IGSF10: variants seen among roughly 807,000 people sequenced by gnomAD.
IGSF10 encodes calvaria mechanical force protein 608.
IGSF10 carries 126 observed loss-of-function variants against 128.2 expected under a neutral mutation model. That is an observed-to-expected ratio of 0.98 (90% CI 0.85 to 1.14). The LOEUF is 1.14. IGSF10 is among the 50% of genes most tolerant of loss of function. The pLI is 0.00. For synonymous variants in IGSF10, 1,185 were observed against 1,146.2 expected (o/e 1.03, Z -0.68); for missense variants, 3,295 against 3,149.8 (o/e 1.05, Z -1.10).
the IGSF10 span, among the ~76,000 whole-genome samples, chr3:151,604,626 C>CACAT: frequency 0.018 from 2,179 of 121,430 alleles, 16 homozygotes; most frequent in South Asian, 0.027. Flanking sequence ...CACACACACA[C>CACAT]ATATATATAT....
the IGSF10 span, among the ~76,000 whole-genome samples, chr3:151,610,040 C>T: frequency 3.9e-5 from 6 of 152,040 alleles, no homozygotes; most frequent in African/African-American, 1.5e-4. Context: ...AACACTCTGG[C>T]TGCTATAAGG....
At chr3:151,593,592 A>AT in the IGSF10 span, among the ~76,000 whole-genome samples, 1 of 152,024 alleles carries the variant, frequency 6.6e-6, no homozygotes, top group East Asian at 1.9e-4. Context: ...CAGAAAAAAG[A>AT]TTTTTTCTGA....
the IGSF10 span, among the ~76,000 whole-genome samples, chr3:151,599,816 A>G: frequency 6.6e-6 from 1 of 152,206 alleles, no homozygotes; most frequent in Admixed American, 6.5e-5. Flanking sequence ...TCAAAGCCTA[A>G]AATAGTTACT....
chr3:151,560,726 C>T, the IGSF10 span, among the ~76,000 whole-genome samples: 10 of 151,826 alleles, frequency 6.6e-5, no homozygotes, highest in Admixed American at 5.3e-4. Flanking sequence ...CCCACAATCT[C>T]TTAAGCAAAG....
the IGSF10 span, among the ~76,000 whole-genome samples, chr3:151,615,096 T>A: frequency 6.6e-6 from 1 of 151,170 alleles, no homozygotes; most frequent in African/African-American, 2.4e-5. Context: ...TGTTTACATA[T>A]TTACATTTGA....
chr3:151,596,008 G>A, the IGSF10 span, among the ~76,000 whole-genome samples: 1 of 152,204 alleles, frequency 6.6e-6, no homozygotes, highest in Non-Finnish European at 1.5e-5. Context: ...GATGATGGGT[G>A]TGTTAATTTT....
chr3:151,514,308 T>TAACGCCAGA, the IGSF10 span, among the ~76,000 whole-genome samples: 1 of 152,014 alleles, frequency 6.6e-6, no homozygotes, highest in Non-Finnish European at 1.5e-5. Context: ...CCCTCAGAAA[T>TAACGCCAGA]AATGACACAT....
At chr3:151,478,790 A>C in the IGSF10 span, among the ~76,000 whole-genome samples, 4 of 152,228 alleles carry the variant, frequency 2.6e-5, no homozygotes, top group African/African-American at 9.7e-5. Context: ...GACTAAAAAA[A>C]AGAGTGTGAT....
At chr3:151,585,471 G>T in the IGSF10 span, among the ~76,000 whole-genome samples, 4 of 152,008 alleles carry the variant, frequency 2.6e-5, no homozygotes, top group Non-Finnish European at 5.9e-5. Context: ...GCATGCATTT[G>T]TACTTATATA....
the IGSF10 span, among the ~76,000 whole-genome samples, chr3:151,501,253 A>T: frequency 6.6e-6 from 1 of 151,882 alleles, no homozygotes; most frequent in African/African-American, 2.4e-5. Flanking sequence ...TGTCTTCCGC[A>T]CTTTTGTTAT....
the IGSF10 span, among the ~76,000 whole-genome samples, chr3:151,587,985 C>A: frequency 6.6e-6 from 1 of 152,170 alleles, no homozygotes; most frequent in African/African-American, 2.4e-5. Context: ...TCAGGTATAT[C>A]TTTATCAGCA....
At chr3:151,474,183 T>C in the IGSF10 span, among the ~76,000 whole-genome samples, 2 of 152,124 alleles carry the variant, frequency 1.3e-5, no homozygotes, top group African/African-American at 4.8e-5. Flanking sequence ...GATATTTTGC[T>C]CAAGCTGAAG....
At position 151,449,082 on chromosome 3, in the gene IGSF10, C is replaced by G; in HGVS notation, c.899G>C (p.Ser300Thr). ...SKSLTILEDS[S>T]SAFISPQGFM... ...ACCTTGGGGAGAGATGAAAGCAGAA[C>G]TACTGTCTTCCAGAATAGTCAGGCT... Residue 300 changes from serine to threonine, a missense_variant, in exon 6 of 8, where the codon AGT (serine) becomes ACT (threonine). Coordinates refer to ENST00000282466, the MANE Select transcript of IGSF10 (RefSeq NM_178822.5). 6.2e-7 allele frequency: 1 copy of G among 1,614,202 alleles called. No individual in the cohort carries two copies. Among genetic ancestry groups the G allele is most frequent in the Non-Finnish European group, 8.5e-7 (1 of 1,180,032 alleles).
At chr3:151,537,451 G>T in the IGSF10 span, among the ~76,000 whole-genome samples, 1 of 152,176 alleles carries the variant, frequency 6.6e-6, no homozygotes, top group Non-Finnish European at 1.5e-5. Flanking sequence ...AGGCAAGTCT[G>T]CACTCTTTAG....
chr3:151,572,196 C>G, the IGSF10 span, among the ~76,000 whole-genome samples: 1 of 152,092 alleles, frequency 6.6e-6, no homozygotes, highest in African/African-American at 2.4e-5. Flanking sequence ...TTTGTTGTGC[C>G]TCTGCCAGGT....
chr3:151,432,957 T>C (rs1279006296), downstream of IGSF10: 1 of 584,028 alleles, frequency 1.7e-6, no homozygotes, highest in South Asian at 2.6e-5. Context: ...AAAAAAAAGG[T>C]GTTTAAACAA....
chr3:151,513,446 G>T, the IGSF10 span, among the ~76,000 whole-genome samples: 2,287 of 152,170 alleles, frequency 0.015, 19 homozygotes, highest in Middle Eastern at 0.027. Context: ...CTCTCAATAA[G>T]TTAGGTATTG....
intron 4 of IGSF10, among the ~76,000 whole-genome samples, chr3:151,454,285 T>C (rs1056516898): frequency 2.9e-4 from 44 of 152,314 alleles, no homozygotes; most frequent in African/African-American, 9.9e-4. Flanking sequence ...CCCAAAGTGC[T>C]GGGATTACAG....
the IGSF10 span, among the ~76,000 whole-genome samples, chr3:151,608,927 G>GGTTCT: frequency 1.3e-5 from 2 of 152,094 alleles, no homozygotes; most frequent in African/African-American, 4.8e-5. Context: ...ACCTGTAGAG[G>GGTTCT]GTTTTGTTTT....
Sources: allele counts gnomAD v4.1 joint callset (sites outside exome capture counted in the v4.1 genomes callset), GRCh38; gene constraint gnomAD v4.1.1; transcripts MANE v1.5; gene names NCBI Gene and HGNC (gene_info 2026-07-23, HGNC 2026-07-21).